Variants in COL9A2 observed in about 807,000 individuals in gnomAD.
The protein encoded by COL9A2 is collagen type IX alpha 2 chain.
In COL9A2, 66 loss-of-function variants were observed where a neutral mutation model predicts 111.6. That is an observed-to-expected ratio of 0.59 (90% confidence interval 0.48 to 0.73). The LOEUF is 0.73. COL9A2 is among the 30% of genes least tolerant of loss of function. The pLI, the probability that COL9A2 is intolerant of heterozygous loss-of-function variation, is 0.00. For synonymous variants in COL9A2, 353 were observed against 364.1 expected (o/e 0.97, Z 0.35); for missense variants, 881 against 954.1 (o/e 0.92, Z 1.01).
At position 40,301,111 on chromosome 1, in the gene COL9A2, T is replaced by G; in HGVS notation, c.*71A>C. 1 of 1,520,746 alleles carries G rather than the reference T, an allele frequency of 6.6e-7. No individual in the cohort carries two copies. The highest frequency in any genetic ancestry group is 1.1e-5 in the South Asian group (1 of 88,016). 94.2% of individuals were successfully genotyped at this position (1,520,746 alleles called of 1,614,324 possible). A position where few individuals can be genotyped will look rare whatever the true frequency, so the allele number is the denominator to read the frequency against. ...GATGGTTTCCTGGACTGGGGATGGGTGCATGTCCACCCAGAGGGGACCTGG... is the reference window on the plus strand; with the variant it reads ...GATGGTTTCCTGGACTGGGGATGGGGGCATGTCCACCCAGAGGGGACCTGG... On this transcript the variant is annotated 3_prime_UTR_variant, in exon 32 of 32. Coordinates refer to ENST00000372748, the MANE Select transcript of COL9A2 (RefSeq NM_001852.4).
At position 40,311,955 on chromosome 1, in the gene COL9A2, C is replaced by A; in HGVS notation, c.417+104G>T. On this transcript the variant is annotated intron_variant, in intron 8 of 31. Transcript: ENST00000372748. This position sits in a 1 kb window ranked among gnomAD's most constrained non-coding sequence, Gnocchi z 5.1. ...TCTGCCCCAGACCTGGAGGAGTTTC[C>A]CAGTGGCCAGGAGCAGGCCCAGGAA... 7.7e-7 allele frequency: 1 copy of A among 1,296,346 alleles called. No individual in the cohort carries two copies. 80.3% of individuals were successfully genotyped at this position (1,296,346 alleles called of 1,614,324 possible).
At chr1:40,305,991 G>T in intron 20 of COL9A2, 152 bp downstream of exon 20, 2 of 891,966 alleles carry the variant, frequency 2.2e-6, no homozygotes, top group Non-Finnish European at 3.7e-6. Flanking sequence ...AGGAGTGCAT[G>T]ATGGGTGGGA....
Position 40,311,353 on chromosome 1 carries a change from C to G in COL9A2, c.520-67G>C. ...CAGTGCGCCCCCATCTCTCCAAGCC[C>G]CGTGCTCTCCTCCGCCTCACCTGGT... On this transcript the variant is annotated intron_variant, in intron 10 of 31. Coordinates refer to ENST00000372748, the MANE Select transcript of COL9A2 (RefSeq NM_001852.4). The surrounding 1 kb of genome is among the most constrained non-coding windows in gnomAD (Gnocchi z 5.1). The G allele has an allele frequency of 1.3e-6, 2 of 1,587,266 alleles. No homozygotes were observed.
At position 40,303,421 on chromosome 1, in the gene COL9A2, C is replaced by A; in HGVS notation, c.1548+109G>T. 6.8e-7 allele frequency: 1 copy of A among 1,479,972 alleles called. No individual in the cohort carries two copies. 91.7% of individuals were successfully genotyped at this position (1,479,972 alleles called of 1,614,324 possible). The stretch of plus-strand genomic sequence containing the variant: ...GTCTGCTCTGGGGCTTGGAACCAGT[C>A]TCGGGGAAGTCGGTGAGTCTCTGGG... On this transcript the variant is annotated intron_variant, in intron 28 of 31. Transcript: ENST00000372748. This position sits in a 1 kb window ranked among gnomAD's most constrained non-coding sequence, Gnocchi z 4.6.
In COL9A2 at chr1:40,307,892, C is replaced by G; in HGVS notation, c.901-136G>C. ...TGGTCATCCCAGGAAGCCCCACTGG[C>G]CAACTGGGGGAGGGGAGTTGAAGTG... is the stretch of plus-strand genomic sequence containing the variant. On this transcript the variant is annotated intron_variant, in intron 17 of 31. Coordinates refer to ENST00000372748, the MANE Select transcript of COL9A2 (RefSeq NM_001852.4). This position sits in a 1 kb window ranked among gnomAD's most constrained non-coding sequence, Gnocchi z 4.8. 1.1e-6 allele frequency: 1 copy of G among 915,218 alleles called. No homozygotes were observed. 56.7% of individuals were successfully genotyped at this position (915,218 alleles called of 1,614,324 possible).
rs34036643 is a variant in COL9A2, at chr1:40,312,212, C to CTTT, written c.364-103_364-101dup. ...CCCAAAGCCCGTTTCTCCACTTTTACTTTTTTTTTTTTTTTGCCAACCCCA... is the reference window on the plus strand; with the variant it reads ...CCCAAAGCCCGTTTCTCCACTTTTACTTTTTTTTTTTTTTTTTTGCCAACCCCA... On this transcript the variant is annotated intron_variant, in intron 7 of 31. Transcript: ENST00000372748. This position sits in a 1 kb window ranked among gnomAD's most constrained non-coding sequence, Gnocchi z 6.0. The CTTT allele has an allele frequency of 2.1e-4, 197 of 926,572 alleles. No homozygotes were observed. Among genetic ancestry groups the CTTT allele is most frequent in the Non-Finnish European group, 2.8e-4 (173 of 618,836 alleles). The allele number at this position is 926,572 out of a possible 1,614,324, so 57.4% of individuals were successfully genotyped here. A position where few individuals can be genotyped will look rare whatever the true frequency, so the allele number is the denominator to read the frequency against.
chr1:40,303,216 C>G lies in COL9A2; in HGVS notation c.1549-31G>C, dbSNP rs752590752. The G allele has an allele frequency of 6.2e-7, 1 of 1,600,162 alleles. No homozygotes were observed. The highest frequency in any genetic ancestry group is 1.1e-5 in the South Asian group (1 of 89,012). Reference sequence around the variant, plus strand: ...AGCAGAGGCCTTTCAGGAAGAAGCCCCTGGCTACAAGGGCCCACCGCTCCT... The same window carrying G: ...AGCAGAGGCCTTTCAGGAAGAAGCCGCTGGCTACAAGGGCCCACCGCTCCT... On this transcript the variant is annotated intron_variant, in intron 28 of 31. Coordinates refer to ENST00000372748, the MANE Select transcript of COL9A2 (RefSeq NM_001852.4). The surrounding 1 kb of genome is among the most constrained non-coding windows in gnomAD (Gnocchi z 4.6).
Position 40,306,844 on chromosome 1 carries a change from A to ATT in COL9A2, c.1008+600_1008+601dup, listed in dbSNP as rs751057593. Among the ~76,000 whole-genome samples the ATT allele has an allele frequency of 1.4e-3, 188 of 134,314 alleles. 1 individual carries two copies. The highest frequency in any genetic ancestry group is 0.012 in the Middle Eastern group (3 of 258). 88.1% of individuals were successfully genotyped at this position (134,314 alleles called of 152,430 possible). ...AGTATACCTCAGATACTCAATAACT[A>ATT]TTTTTTTTTTTTTTTTTTGAGATGG... is the stretch of plus-strand genomic sequence containing the variant. On this transcript the variant is annotated intron_variant, in intron 19 of 31. Transcript: ENST00000372748.
chr1:40,301,682 G>A, intron 31 of COL9A2, 130 bp downstream of exon 31: 2 of 889,774 alleles, frequency 2.2e-6, no homozygotes, highest in Non-Finnish European at 3.5e-6. Context: ...CTCCAAAGGG[G>A]TGCAGAAGCT....
In COL9A2 at chr1:40,307,753, G is replaced by A. The variant is rs2124072468; in HGVS notation, c.904C>T (p.Pro302Ser). 9.9e-6 allele frequency: 16 copies of A among 1,614,098 alleles called. No homozygotes were observed. The highest frequency in any genetic ancestry group is 1.4e-5 in the Non-Finnish European group (16 of 1,179,982). The stretch of plus-strand genomic sequence containing the variant: ...CCATCCTTGCCGTTGATGCCTGGGG[G>A]GCCCTACCCAGGAGGAAAGTTCAAG... Reference protein sequence around the residue: ...GITGPKGATGPPGINGKDGTP... With the variant: ...GITGPKGATGSPGINGKDGTP... Residue 302 changes from proline (P) to serine (S), a missense_variant, in exon 18 of 32, where the codon CCC (proline) becomes TCC (serine). Coordinates refer to ENST00000372748, the MANE Select transcript of COL9A2 (RefSeq NM_001852.4). The surrounding 1 kb of genome is among the most constrained non-coding windows in gnomAD (Gnocchi z 4.8).
chr1:40,303,621 G>C lies in COL9A2; in HGVS notation c.1457C>G (p.Pro486Arg), dbSNP rs1222140062. ...GGGACCAGGGTAGCCCTGAACCCCT[G>C]GGGCGCCCGCATCCCCGCTGGGGCC... ...YPGPSGDAGAPGVQGYPGPPG... is the reference protein window; with the variant it reads ...YPGPSGDAGARGVQGYPGPPG... Residue 486 changes from proline to arginine, a missense_variant, in exon 28 of 32, where the codon CCA (proline) becomes CGA (arginine). By Grantham distance (103) the Pro-to-Arg change is moderately radical. Transcript: ENST00000372748. The surrounding 1 kb of genome is among the most constrained non-coding windows in gnomAD (Gnocchi z 4.6). 6.3e-7 allele frequency: 1 copy of C among 1,599,160 alleles called. No homozygotes were observed. Among genetic ancestry groups the C allele is most frequent in the African/African-American group, 1.3e-5 (1 of 74,640 alleles).
chr1:40,302,937 C>T lies in COL9A2; in HGVS notation c.1604-128G>A, dbSNP rs1272745824. 7 of 1,151,058 alleles carry T rather than the reference C, an allele frequency of 6.1e-6. No individual in the cohort carries two copies. Among genetic ancestry groups the T allele is most frequent in the South Asian group, 1.4e-5 (1 of 73,598 alleles). 71.3% of individuals were successfully genotyped at this position (1,151,058 alleles called of 1,614,324 possible). On this transcript the variant is annotated intron_variant, in intron 29 of 31. Transcript: ENST00000372748. This position sits in a 1 kb window ranked among gnomAD's most constrained non-coding sequence, Gnocchi z 4.5. ...TTGCAGACAGAAAAGCACCACCTTC[C>T]GTGGGCTCTGTTTTGCGGAAGTCAA...
At chr1:40,306,292 G>T in intron 19 of COL9A2, 105 bp from the exon 20 acceptor site, 4 of 1,293,448 alleles carry the variant, frequency 3.1e-6, no homozygotes, top group Non-Finnish European at 4.5e-6. Context: ...ACCTGTGGGA[G>T]CTGAACAACA....
In COL9A2 at chr1:40,311,247, C is replaced by A; in HGVS notation, c.559G>T (p.Gly187Trp). The part of the protein sequence containing the change: ...NCPPGMKGPP[G>W]LQGVKGHAGK... ...GCTCTCACCTTCACTCCCTGCAGCC[C>A]TGGGGGACCTTTCATTCCGGGTGGA... is the stretch of plus-strand genomic sequence containing the variant. Residue 187 changes from glycine to tryptophan, a missense_variant, in exon 11 of 32, where the codon GGG (glycine) becomes TGG (tryptophan). By Grantham distance (184) the Gly-to-Trp change is radical (BLOSUM62 -2). Coordinates refer to ENST00000372748, the MANE Select transcript of COL9A2 (RefSeq NM_001852.4). The surrounding 1 kb of genome is among the most constrained non-coding windows in gnomAD (Gnocchi z 5.1). 6.2e-7 allele frequency: 1 copy of A among 1,614,192 alleles called. No homozygotes were observed. The highest frequency in any genetic ancestry group is 8.5e-7 in the Non-Finnish European group (1 of 1,180,020).
At position 40,301,804 on chromosome 1, in the gene COL9A2, T is replaced by C. The variant is rs1351995582; in HGVS notation, c.1870+8A>G. On this transcript the variant is annotated splice_region_variant and intron_variant, in intron 31 of 31. Transcript: ENST00000372748. ...ACACACTGCAGCTGGGCAGGGCCAA[T>C]GGCTTACCTGGGATCCCTGGGGGCC... The C allele has an allele frequency of 6.2e-7, 1 of 1,613,748 alleles. No homozygotes were observed. The highest frequency in any genetic ancestry group is 1.3e-5 in the African/African-American group (1 of 74,930).
rs1644050277 is a variant in COL9A2 at position 40,307,584 on chromosome 1, GA to G, written c.955-86del. ...CTACCCAGATGCAGGTAGGGAAACT[GA>G]GATCCAGAGGCAAGAAAGGGCATGT... is the stretch of plus-strand genomic sequence containing the variant. On this transcript the variant is annotated intron_variant, in intron 18 of 31. Transcript: ENST00000372748. This position sits in a 1 kb window ranked among gnomAD's most constrained non-coding sequence, Gnocchi z 4.8. 1 of 1,587,692 alleles carries G rather than the reference GA, an allele frequency of 6.3e-7. No homozygotes were observed. Among genetic ancestry groups the G allele is most frequent in the Non-Finnish European group, 8.6e-7 (1 of 1,159,610 alleles).
Position 40,309,941 on chromosome 1 carries a change from G to A in COL9A2, c.843C>T (p.Asp281=), listed in dbSNP as rs140305893. The change falls in exon 16 of 32, where the codon GAC becomes GAT. Residue 281 remains aspartate, a synonymous_variant. Transcript: ENST00000372748. The part of the protein sequence containing the change: ...GPPGRAGEKG[D]EGSPGIRGPQ... ...CAATGGGTGCCTGAGGACTCACCTC[G>A]TCACCCTTCTCCCCAGCTCGGCCTG... 53 of 1,613,618 alleles carry A rather than the reference G, an allele frequency of 3.3e-5. No individual in the cohort carries two copies. The highest frequency in any genetic ancestry group is 1.5e-4 in the Admixed American group (9 of 59,990).
chr1:40,302,609 AG>A lies in COL9A2; in HGVS notation c.1792+11del. ...TGCCTGGCCCCCATGCCCACCGCAG[AG>A]GAGCACTCACCCTTGGGCCCCGTGT... On this transcript the variant is annotated intron_variant, in intron 30 of 31. Coordinates refer to ENST00000372748, the MANE Select transcript of COL9A2 (RefSeq NM_001852.4). This position sits in a 1 kb window ranked among gnomAD's most constrained non-coding sequence, Gnocchi z 4.5. 1 of 1,594,328 alleles carries A rather than the reference AG, an allele frequency of 6.3e-7. No individual in the cohort carries two copies. Among genetic ancestry groups the A allele is most frequent in the South Asian group, 1.1e-5 (1 of 87,974 alleles).
chr1:40,304,732 T>G (rs1643996480), intron 22 of COL9A2, 62 bp downstream of exon 22: 1 of 1,459,068 alleles, frequency 6.9e-7, no homozygotes, highest in African/African-American at 1.4e-5. Flanking sequence ...GCAGATGCTG[T>G]ATCCAGCAGT....
Sources: gnomAD v4.1 joint callset for allele counts (sites outside exome capture counted in the v4.1 genomes callset) on GRCh38, gnomAD v4.1.1 for gene constraint, Gnocchi (gnomAD v3.1) non-coding constraint, MANE v1.5 for transcripts, NCBI Gene and HGNC (gene_info 2026-07-23, HGNC 2026-07-21) for gene names.